ATG10: variants seen among roughly 807,000 people sequenced by gnomAD.
The protein encoded by ATG10 is ubiquitin-like-conjugating enzyme ATG10.
In ATG10, 30 loss-of-function variants were observed where a neutral mutation model predicts 32.1. The ratio of observed to expected loss-of-function variants is 0.94; its 90% CI spans 0.70 to 1.27. The LOEUF (loss-of-function observed/expected upper bound fraction) is 1.27. Ranked by LOEUF, ATG10 falls within the 50% of genes most tolerant of loss-of-function variation. The pLI, the probability that ATG10 is intolerant of heterozygous loss-of-function variation, is 0.00. For missense variants in ATG10, 233 were observed against 262.3 expected (o/e 0.89, Z 0.77); for synonymous variants, 87 against 91.5 (o/e 0.95, Z 0.28).
At chr5:82,238,864 G>T (rs1746675264) in intron 5 of ATG10, among the ~76,000 whole-genome samples, 1 of 152,098 alleles carries the variant, frequency 6.6e-6, no homozygotes, top group African/African-American at 2.4e-5. Flanking sequence ...TACCTTAGGG[G>T]GATACAGTGG....
At position 82,168,069 on chromosome 5, in the gene ATG10, G is replaced by GT. The variant is rs34095396; in HGVS notation, c.355+3542dup. On this transcript the variant is annotated intron_variant, in intron 4 of 7. Transcript: ENST00000282185. The stretch of plus-strand genomic sequence containing the variant: ...GCATTGACATCTTCAAGTGCATGCT[G>GT]TTTTTTTTTTCTTTTTTTCCCACTG... 6.5e-3 allele frequency among the ~76,000 whole-genome samples: 971 copies of GT among 148,930 alleles called. 16 individuals are homozygous for GT. The highest frequency in any genetic ancestry group is 0.033 in the Admixed American group (498 of 14,890).
chr5:82,088,921 T>C (rs72776860), intron 3 of ATG10, among the ~76,000 whole-genome samples: 2,329 of 152,300 alleles, frequency 0.015, 28 homozygotes, highest in Middle Eastern at 0.041. Flanking sequence ...ATTGTAGATG[T>C]AAACAATATT....
At position 82,242,537 on chromosome 5, in the gene ATG10, T is replaced by C. The variant is rs531539085; in HGVS notation, c.454-10025T>C. ...TCAGGAAGCTCATTGAATCCCCCAG[T>C]GAAAAATGAAAAGAAATCCACACCT... On this transcript the variant is annotated intron_variant, in intron 5 of 7. Coordinates refer to ENST00000282185, the MANE Select transcript of ATG10 (RefSeq NM_031482.5). Among the ~76,000 whole-genome samples the C allele has an allele frequency of 2.7e-4, 41 of 151,970 alleles. 1 individual carries two copies. The highest frequency in any genetic ancestry group is 6.5e-5 in the Admixed American group (1 of 15,274).
intron 5 of ATG10, among the ~76,000 whole-genome samples, chr5:82,228,587 T>C (rs947259834): frequency 1.3e-5 from 2 of 152,230 alleles, no homozygotes; most frequent in African/African-American, 4.8e-5. Context: ...TTGTATTGCA[T>C]ATATTTTTTA....
chr5:82,036,604 A>AT (rs1034600076), intron 2 of ATG10, among the ~76,000 whole-genome samples: 6 of 151,538 alleles, frequency 4.0e-5, no homozygotes, highest in African/African-American at 1.2e-4. Flanking sequence ...CAAAAAAGAA[A>AT]TTTTTTTTTA....
At chr5:82,055,319 A>C (rs938063772) in intron 2 of ATG10, among the ~76,000 whole-genome samples, 6 of 152,180 alleles carry the variant, frequency 3.9e-5, no homozygotes, top group African/African-American at 1.4e-4. Flanking sequence ...AAATGGTATT[A>C]GAAATTACCT....
At chr5:81,980,075 G>A (rs1263976572) in intron 1 of ATG10, among the ~76,000 whole-genome samples, 1 of 152,068 alleles carries the variant, frequency 6.6e-6, no homozygotes, top group African/African-American at 2.4e-5. Flanking sequence ...ACATCTCTCT[G>A]TTGCCTTGAA....
At chr5:82,229,295 T>C (rs1309631801) in intron 5 of ATG10, among the ~76,000 whole-genome samples, 1 of 152,180 alleles carries the variant, frequency 6.6e-6, no homozygotes, top group Admixed American at 6.5e-5. Flanking sequence ...AAAGAATAAA[T>C]GAGCCTCTTA....
intron 3 of ATG10, among the ~76,000 whole-genome samples, chr5:82,082,649 C>T (rs779646602): frequency 4.6e-5 from 7 of 151,832 alleles, no homozygotes; most frequent in Non-Finnish European, 7.4e-5. Context: ...GACATTTATC[C>T]AACTGTTAGT....
chr5:82,053,316 A>G (rs755021836), intron 2 of ATG10, among the ~76,000 whole-genome samples: 2 of 152,098 alleles, frequency 1.3e-5, no homozygotes, highest in African/African-American at 2.4e-5. Context: ...TTATTGGGCT[A>G]TTGGACCCCT....
intron 3 of ATG10, among the ~76,000 whole-genome samples, chr5:82,129,029 C>T (rs1419194337): frequency 2.0e-5 from 3 of 151,568 alleles, no homozygotes; most frequent in Non-Finnish European, 4.4e-5. Flanking sequence ...TCACATAGTC[C>T]CATATTTCTT....
chr5:82,063,597 A>T (rs1763853872), intron 3 of ATG10, among the ~76,000 whole-genome samples: 1 of 151,378 alleles, frequency 6.6e-6, no homozygotes, highest in South Asian at 2.1e-4. Context: ...GGTTCAGGTG[A>T]TTCTCCCGCC....
At chr5:81,984,578 C>T (rs900461489) in intron 1 of ATG10, among the ~76,000 whole-genome samples, 4 of 152,214 alleles carry the variant, frequency 2.6e-5, no homozygotes, top group African/African-American at 9.6e-5. Flanking sequence ...AGGCAGTTCA[C>T]ATATCTAAGA....
chr5:82,243,352 G>A (rs915561230), intron 5 of ATG10, among the ~76,000 whole-genome samples: 13 of 151,988 alleles, frequency 8.6e-5, no homozygotes, highest in African/African-American at 2.9e-4. Flanking sequence ...TAATCACAAA[G>A]CCTGTATGTG....
At chr5:82,117,015 A>G (rs1765836904) in intron 3 of ATG10, among the ~76,000 whole-genome samples, 2 of 152,114 alleles carry the variant, frequency 1.3e-5, no homozygotes, top group Admixed American at 6.6e-5. Flanking sequence ...GTTTAATAGC[A>G]TATTTTTATT....
intron 3 of ATG10, among the ~76,000 whole-genome samples, chr5:82,075,236 A>G (rs769900791): frequency 6.6e-6 from 1 of 152,154 alleles, no homozygotes. Flanking sequence ...CTCTTTGTTT[A>G]AGGCAGACGG....
chr5:82,158,818 A>G (rs1186925209), intron 3 of ATG10, among the ~76,000 whole-genome samples: 1 of 152,204 alleles, frequency 6.6e-6, no homozygotes, highest in East Asian at 1.9e-4. Flanking sequence ...GTTAAGTGGT[A>G]TACTACAGTA....
At chr5:82,220,538 A>G (rs1745875650) in intron 5 of ATG10, among the ~76,000 whole-genome samples, 1 of 151,976 alleles carries the variant, frequency 6.6e-6, no homozygotes, top group Admixed American at 6.6e-5. Context: ...CTGGGATTAC[A>G]GGTGTGAGCT....
chr5:81,974,320 A>G (rs1760810800), intron 1 of ATG10, among the ~76,000 whole-genome samples: 1 of 152,170 alleles, frequency 6.6e-6, no homozygotes, highest in Non-Finnish European at 1.5e-5. Context: ...GGGAATGGAG[A>G]ATAGGAGAAT....
Sources: allele counts gnomAD v4.1 joint callset (sites outside exome capture counted in the v4.1 genomes callset), GRCh38; gene constraint gnomAD v4.1.1; transcripts MANE v1.5; gene names NCBI Gene and HGNC (gene_info 2026-07-23, HGNC 2026-07-21).